GTF3C5: variants seen among roughly 807,000 people sequenced by gnomAD.
GTF3C5 encodes general transcription factor 3C polypeptide 5.
Under a neutral mutation model 61.0 loss-of-function variants are expected in GTF3C5, and 47 were observed. The observed-to-expected ratio is 0.77, with a 90% CI of 0.61 to 0.98. The LOEUF is 0.98. Among genes scored for constraint, GTF3C5 ranks in the 50% least tolerant of loss-of-function variants. The pLI is 0.00. For synonymous variants in GTF3C5, 295 were observed against 275.4 expected, an observed-to-expected ratio of 1.07 and a Z score of -0.71; for missense variants, 659 against 703.3, an observed-to-expected ratio of 0.94 and a Z score of 0.71.
Position 133,043,816 on chromosome 9 carries a change from C to T in GTF3C5, c.462C>T (p.Pro154=), listed in dbSNP as rs369628277. Residue 154 remains proline (P), a synonymous_variant, in exon 3 of 11, where the codon CCC becomes CCT. Coordinates refer to ENST00000372097, the MANE Select transcript of GTF3C5 (RefSeq NM_012087.4). ...SMYDKVLMLR[P]EKEAFFHQEL... ...ATGACAAGGTGCTCATGCTCCGGCC[C>T]GAGAAGGAGGCCTTTTTCCACCAGG... 38 of 1,613,936 alleles carry T rather than the reference C, an allele frequency of 2.4e-5. No individual in the cohort carries two copies. The African/African-American group carries it at 2.8e-4, about 12-fold the overall frequency.
intron 3 of GTF3C5, among the ~76,000 whole-genome samples, chr9:133,045,552 G>A (rs994847685): frequency 2.6e-5 from 4 of 152,236 alleles, no homozygotes; most frequent in African/African-American, 9.6e-5. Context: ...CCTGTGAGAG[G>A]TACTCAGCAA....
In GTF3C5 at chr9:133,053,870, GA is replaced by G; in HGVS notation, c.917del (p.Asp306AlafsTer22). On this transcript the variant is annotated frameshift_variant, in exon 6 of 11. Transcript: ENST00000372097. LOFTEE classifies it high-confidence loss of function. The part of the protein sequence containing the change: ...WRSLWIRFGY[D>X]PRKNPDAKIY... Reference sequence around the variant, plus strand: ...CAGCCTATGGATTCGATTTGGGTATGACCCCCGAAAAAACCCAGATGCCAAG... The same window carrying G: ...CAGCCTATGGATTCGATTTGGGTATGCCCCCGAAAAAACCCAGATGCCAAG... The G allele has an allele frequency of 2.5e-6, 4 of 1,613,388 alleles. No individual in the cohort carries two copies. The highest frequency in any genetic ancestry group is 3.4e-6 in the Non-Finnish European group (4 of 1,179,460).
intron 5 of GTF3C5, 24 bp downstream of exon 5, chr9:133,052,188 C>G: frequency 1.5e-6 from 2 of 1,338,704 alleles, no homozygotes; most frequent in Non-Finnish European, 2.1e-6. Context: ...GCCCACCCAC[C>G]TGCCTTGGTT....
intron 8 of GTF3C5, chr9:133,055,489 G>C: frequency 8.3e-7 from 1 of 1,202,126 alleles, no homozygotes; most frequent in South Asian, 1.5e-5. Context: ...TCATGCCACA[G>C]CCTGTGCGGC....
At chr9:133,037,981 C>T (rs1273017720) in intron 1 of GTF3C5, among the ~76,000 whole-genome samples, 1 of 152,102 alleles carries the variant, frequency 6.6e-6, no homozygotes, top group African/African-American at 2.4e-5. Flanking sequence ...GTGTCTTGTC[C>T]CACTGGCTGG....
chr9:133,055,173 G>A, intron 8 of GTF3C5: 1 of 1,539,136 alleles, frequency 6.5e-7, no homozygotes, highest in African/African-American at 1.4e-5. Context: ...GCCAGAGCAG[G>A]CCATGTGGGC....
intron 3 of GTF3C5, among the ~76,000 whole-genome samples, chr9:133,047,154 G>A (rs1407079767): frequency 1.3e-5 from 2 of 152,020 alleles, no homozygotes; most frequent in East Asian, 1.9e-4. Flanking sequence ...AGACAGACTC[G>A]CAATACCAGT....
At chr9:133,054,355 T>C in intron 6 of GTF3C5, 53 bp from the exon 7 acceptor site, 1 of 1,437,590 alleles carries the variant, frequency 7.0e-7, no homozygotes, top group Non-Finnish European at 9.8e-7. Context: ...GCCAGTGTTG[T>C]GTGCCGACGG....
chr9:133,049,764 T>C (rs564357608), intron 3 of GTF3C5, among the ~76,000 whole-genome samples: 1 of 152,292 alleles, frequency 6.6e-6, no homozygotes, highest in Non-Finnish European at 1.5e-5. Context: ...TTTGTATGTG[T>C]GTGTATGTGT....
intron 2 of GTF3C5, among the ~76,000 whole-genome samples, chr9:133,043,428 G>A (rs888027219): frequency 6.6e-6 from 1 of 152,198 alleles, no homozygotes; most frequent in African/African-American, 2.4e-5. Flanking sequence ...TTGGTGCAAA[G>A]GTAATTGCAG....
At chr9:133,054,617 G>C in intron 7 of GTF3C5, 95 bp from the exon 8 acceptor site, 1 of 1,415,912 alleles carries the variant, frequency 7.1e-7, no homozygotes. Context: ...TCCCCTAGGA[G>C]GGGGTGGGCT....
intron 1 of GTF3C5, among the ~76,000 whole-genome samples, chr9:133,038,649 G>T (rs1264560322): frequency 1.3e-5 from 2 of 151,440 alleles, no homozygotes; most frequent in African/African-American, 2.4e-5. Flanking sequence ...TAGAGTTGGG[G>T]TTTCACCATG....
At chr9:133,052,949 C>T (rs1301475288) in intron 5 of GTF3C5, among the ~76,000 whole-genome samples, 1 of 152,208 alleles carries the variant, frequency 6.6e-6, no homozygotes, top group Non-Finnish European at 1.5e-5. Context: ...TCTCCTGCCT[C>T]AGCCTCCTAA....
At chr9:133,050,578 G>A (rs1191294563) in intron 3 of GTF3C5, among the ~76,000 whole-genome samples, 1 of 152,218 alleles carries the variant, frequency 6.6e-6, no homozygotes, top group African/African-American at 2.4e-5. Flanking sequence ...AGTTGTCATA[G>A]GCAGTTGTGG....
intron 4 of GTF3C5, among the ~76,000 whole-genome samples, chr9:133,051,588 C>A (rs1485257893): frequency 6.6e-6 from 1 of 152,220 alleles, no homozygotes; most frequent in African/African-American, 2.4e-5. Flanking sequence ...TGAATTGGCT[C>A]GTGAGGCCCG....
At chr9:133,042,358 T>G in intron 2 of GTF3C5, 52 bp downstream of exon 2, 2 of 1,221,234 alleles carry the variant, frequency 1.6e-6, no homozygotes, top group Non-Finnish European at 2.4e-6. Flanking sequence ...CTGGCCATCC[T>G]AGCTGCCTGC....
At chr9:133,055,411 C>G (rs991037689) in intron 8 of GTF3C5, 66 of 1,279,062 alleles carry the variant, frequency 5.2e-5, no homozygotes, top group Non-Finnish European at 6.5e-5. Context: ...TTGCTGTCCC[C>G]CAGTGTCTGG....
intron 5 of GTF3C5, among the ~76,000 whole-genome samples, chr9:133,053,599 C>T (rs1378088158): frequency 6.6e-6 from 1 of 152,134 alleles, no homozygotes; most frequent in Admixed American, 6.5e-5. Context: ...AAACAAAAAC[C>T]CACAGGAAAG....
intron 4 of GTF3C5, 81 bp downstream of exon 4, chr9:133,051,059 C>G: frequency 1.8e-6 from 2 of 1,141,676 alleles, no homozygotes; most frequent in Non-Finnish European, 2.4e-6. Context: ...CTCCCTGTTC[C>G]TGGCTGTGGG....
Sources: gnomAD v4.1 joint callset for allele counts (sites outside exome capture counted in the v4.1 genomes callset) on GRCh38, gnomAD v4.1.1 for gene constraint, MANE v1.5 for transcripts, NCBI Gene and HGNC (gene_info 2026-07-23, HGNC 2026-07-21) for gene names.